Variants in C2orf80 observed in about 807,000 individuals in gnomAD.
C2orf80 encodes the protein uncharacterized protein C2orf80.
In C2orf80, 28 loss-of-function variants were observed where a neutral mutation model predicts 30.2. The ratio of observed to expected loss-of-function variants is 0.93; its 90% CI spans 0.69 to 1.27. The LOEUF (loss-of-function observed/expected upper bound fraction) is 1.27. Among genes scored for constraint, C2orf80 ranks in the 50% most tolerant of loss-of-function variants. The probability of loss-of-function intolerance (pLI) is 0.00; values close to 1 mark genes in which losing one functional copy is unlikely to be tolerated. For synonymous variants in C2orf80, 80 were observed against 76.4 expected, an observed-to-expected ratio of 1.05 and a Z score of -0.24; for missense variants, 220 against 231.0, an observed-to-expected ratio of 0.95 and a Z score of 0.31.
intron 7 of C2orf80, 111 bp downstream of exon 7, chr2:208,171,877 G>A: frequency 1.1e-6 from 1 of 924,762 alleles, no homozygotes; most frequent in South Asian, 1.3e-5. Context: ...AATTCAACCA[G>A]ACATAGAAAT....
chr2:208,182,452 C>T (rs186388538), intron 4 of C2orf80, among the ~76,000 whole-genome samples: 1 of 152,330 alleles, frequency 6.6e-6, no homozygotes. Flanking sequence ...GTTGCCCAGG[C>T]TGGAGTGAAG....
intron 8 of C2orf80, among the ~76,000 whole-genome samples, chr2:208,166,134 T>G (rs189814578): frequency 4.6e-5 from 7 of 152,176 alleles, no homozygotes; most frequent in African/African-American, 1.7e-4. Flanking sequence ...AAAGTACCAA[T>G]AATAGATATT....
intron 8 of C2orf80, among the ~76,000 whole-genome samples, chr2:208,169,978 A>G (rs1227345215): frequency 6.6e-6 from 1 of 152,222 alleles, no homozygotes; most frequent in Non-Finnish European, 1.5e-5. Flanking sequence ...CTGAAATCTG[A>G]ATAAATCCTA....
chr2:208,173,555 G>A (rs1307559280), intron 6 of C2orf80, among the ~76,000 whole-genome samples: 4 of 152,082 alleles, frequency 2.6e-5, no homozygotes, highest in Non-Finnish European at 5.9e-5. Flanking sequence ...AACCCGGGAG[G>A]CGGAGCTTGC....
intron 6 of C2orf80, among the ~76,000 whole-genome samples, chr2:208,173,763 A>C (rs939497443): frequency 6.6e-6 from 1 of 152,198 alleles, no homozygotes; most frequent in Non-Finnish European, 1.5e-5. Flanking sequence ...AACTAGTGGT[A>C]ACCTAGGGCG....
In C2orf80 at chr2:208,182,957, C is replaced by T; in HGVS notation, c.206+8G>A. The T allele has an allele frequency of 6.2e-7, 1 of 1,609,712 alleles. No individual in the cohort carries two copies. The highest frequency in any genetic ancestry group is 1.1e-5 in the South Asian group (1 of 90,982). ...AAAGAGGAAAGCAACAAACCTACTT[C>T]AACTTACAGTTCCTCCCACTCCAGC... On this transcript the variant is annotated splice_region_variant and intron_variant, in intron 4 of 8. Coordinates refer to ENST00000341287, the MANE Select transcript of C2orf80 (RefSeq NM_001099334.3).
At chr2:208,173,492 G>A (rs1205586581) in intron 6 of C2orf80, among the ~76,000 whole-genome samples, 1 of 152,028 alleles carries the variant, frequency 6.6e-6, no homozygotes, top group Non-Finnish European at 1.5e-5. Flanking sequence ...AGGCGTGGTG[G>A]TGGGCACCTG....
At chr2:208,186,133 C>T (rs1391213653) in intron 2 of C2orf80, among the ~76,000 whole-genome samples, 1 of 152,102 alleles carries the variant, frequency 6.6e-6, no homozygotes, top group Non-Finnish European at 1.5e-5. Context: ...TGTGCATACA[C>T]ATATATGTGT....
At chr2:208,180,403 TCGCACCACTATACTC>T (rs1696516462) in intron 6 of C2orf80, among the ~76,000 whole-genome samples, 1 of 151,156 alleles carries the variant, frequency 6.6e-6, no homozygotes. Context: ...TGAGCCGAGA[TCGCACCACTATACTC>T]CAGCCAGGGT....
chr2:208,184,890 TTCTGTC>T, intron 3 of C2orf80, 55 bp downstream of exon 3: 1 of 1,362,374 alleles, frequency 7.3e-7, no homozygotes, highest in Non-Finnish European at 1.0e-6. Context: ...AAGATCCTTT[TTCTGTC>T]TCTTTAATAC....
chr2:208,166,952 T>G (rs551088598), intron 8 of C2orf80, among the ~76,000 whole-genome samples: 3 of 152,218 alleles, frequency 2.0e-5, no homozygotes, highest in African/African-American at 7.2e-5. Flanking sequence ...GCCTGGCCTG[T>G]CCTGACACTT....
intron 6 of C2orf80, among the ~76,000 whole-genome samples, chr2:208,176,936 C>CGG: frequency 1.2e-5 from 1 of 80,398 alleles, no homozygotes; most frequent in Non-Finnish European, 2.8e-5. Flanking sequence ...CATATGTATA[C>CGG]ATATCTGTAT....
In C2orf80 at chr2:208,175,050, G is replaced by T. The variant is rs977524190; in HGVS notation, c.367-2975C>A. ...ATCCCAGCTCTTTTGGAGGCCGAGG[G>T]GGGTGGGTGGATCAGTTGAGGTCAG... is the stretch of plus-strand genomic sequence containing the variant. On this transcript the variant is annotated intron_variant, in intron 6 of 8. Transcript: ENST00000341287. 4.6e-5 allele frequency among the ~76,000 whole-genome samples: 7 copies of T among 152,282 alleles called. No individual in the cohort carries two copies. In the Middle Eastern group the frequency reaches 0.01, roughly 222 times the overall value.
intron 6 of C2orf80, among the ~76,000 whole-genome samples, chr2:208,174,420 G>A (rs985835636): frequency 6.6e-6 from 1 of 152,196 alleles, no homozygotes; most frequent in African/African-American, 2.4e-5. Context: ...TGGAAGCCAG[G>A]CCTATCACGA....
At chr2:208,171,119 C>A (rs1696085013) in intron 7 of C2orf80, 56 bp from the exon 8 acceptor site, 1 of 1,158,018 alleles carries the variant, frequency 8.6e-7, no homozygotes. Context: ...AAAATGTGTC[C>A]ATCCAAAGTT....
intron 6 of C2orf80, among the ~76,000 whole-genome samples, chr2:208,179,128 T>A (rs1480222230): frequency 6.6e-6 from 1 of 152,180 alleles, no homozygotes; most frequent in African/African-American, 2.4e-5. Context: ...CCTACAATTA[T>A]ACTGAATGAA....
intron 8 of C2orf80, among the ~76,000 whole-genome samples, chr2:208,167,215 A>T (rs1056028521): frequency 3.3e-5 from 5 of 151,642 alleles, no homozygotes; most frequent in South Asian, 2.1e-4. Flanking sequence ...ATGCAATTTA[A>T]AAAAAAAATC....
intron 6 of C2orf80, among the ~76,000 whole-genome samples, chr2:208,174,629 T>C (rs1449433782): frequency 6.6e-6 from 1 of 152,184 alleles, no homozygotes; most frequent in Non-Finnish European, 1.5e-5. Flanking sequence ...TATTTACATA[T>C]GGGGAAATTG....
chr2:208,167,641 A>G (rs549263939), intron 8 of C2orf80, among the ~76,000 whole-genome samples: 2 of 152,110 alleles, frequency 1.3e-5, no homozygotes, highest in South Asian at 2.1e-4. Context: ...CGCTGGTGCA[A>G]TCTCGGCTTA....
Sources: gnomAD v4.1 joint callset for allele counts (sites outside exome capture counted in the v4.1 genomes callset) on GRCh38, gnomAD v4.1.1 for gene constraint, MANE v1.5 for transcripts, NCBI Gene and HGNC (gene_info 2026-07-23, HGNC 2026-07-21) for gene names.